The following ERAP1 variants were observed in gnomAD, a reference collection of about 807,000 sequenced individuals.
The protein encoded by ERAP1 is adipocyte-derived leucine aminopeptidase.
Under a neutral mutation model 103.7 loss-of-function variants are expected in ERAP1, and 86 were observed. That is an observed-to-expected ratio of 0.83 (90% CI 0.70 to 0.99). ERAP1 has a LOEUF of 0.99. Among genes scored for constraint, ERAP1 ranks in the 50% least tolerant of loss-of-function variants. The pLI is 0.00. For synonymous variants in ERAP1, 398 were observed against 402.4 expected (o/e 0.99, Z 0.13); for missense variants, 1,009 against 1,128.4 (o/e 0.89, Z 1.52).
At chr5:96,900,211 G>C in the ERAP1 span, 1 of 1,613,132 alleles carries the variant, frequency 6.2e-7, no homozygotes, top group African/African-American at 1.3e-5. Flanking sequence ...GAGAGTCACA[G>C]AGTAGAAGAG....
chr5:96,886,786 C>A, the ERAP1 span: 1 of 1,488,754 alleles, frequency 6.7e-7, no homozygotes, highest in Non-Finnish European at 9.1e-7. Flanking sequence ...CATCAGGGGT[C>A]AAGGTGAGAC....
At chr5:96,862,333 AC>A in the ERAP1 span, among the ~76,000 whole-genome samples, 1 of 152,206 alleles carries the variant, frequency 6.6e-6, no homozygotes, top group African/African-American at 2.4e-5. Context: ...TCTTTAGTGG[AC>A]AAGACATTGC....
In ERAP1 at chr5:96,776,178, A is replaced by G. The variant is rs1268842397; in HGVS notation, c.*218T>C. 1.3e-6 allele frequency: 2 copies of G among 1,508,650 alleles called. No individual in the cohort carries two copies. The highest frequency in any genetic ancestry group is 4.0e-5 in the Admixed American group (2 of 50,160). 93.5% of individuals were successfully genotyped at this position (1,508,650 alleles called of 1,614,324 possible). A position where few individuals can be genotyped will look rare whatever the true frequency, so the allele number is the denominator to read the frequency against. On this transcript the variant is annotated 3_prime_UTR_variant, in exon 19 of 19. Coordinates refer to ENST00000443439, the MANE Select transcript of ERAP1 (RefSeq NM_001040458.3). ...GGCAGGGAACCCAACACTTGGGTTT[A>G]CGTTGCAGGGCAACACCTGTGATGA...
At position 96,803,834 on chromosome 5, in the gene ERAP1, C is replaced by T; in HGVS notation, c.93G>A (p.Trp31Ter). The change falls in exon 2 of 19, where the codon TGG becomes TGA. Residue 31 changes from tryptophan to a stop codon, truncating the protein, a stop_gained. Coordinates refer to ENST00000443439, the MANE Select transcript of ERAP1 (RefSeq NM_001040458.3). LOFTEE classifies it high-confidence loss of function. ...LALLTVSTPS[W>*]CQSTEASPKR... The stretch of plus-strand genomic sequence containing the variant: ...TTGGAGATGCTTCAGTGCTCTGACA[C>T]CATGAAGGAGTGGACACAGTTAAGA... 6.2e-7 allele frequency: 1 copy of T among 1,614,140 alleles called. No homozygotes were observed. The highest frequency in any genetic ancestry group is 8.5e-7 in the Non-Finnish European group (1 of 1,180,040).
the ERAP1 span, among the ~76,000 whole-genome samples, chr5:96,827,526 A>C: frequency 6.6e-6 from 1 of 152,128 alleles, no homozygotes; most frequent in African/African-American, 2.4e-5. Flanking sequence ...TTAGCTGGGC[A>C]TGGCAGCATG....
At chr5:96,895,172 C>A in the ERAP1 span, 1 of 818,472 alleles carries the variant, frequency 1.2e-6, no homozygotes, top group East Asian at 2.9e-5. Flanking sequence ...AAGTTAGTAA[C>A]TATTGTATTT....
At chr5:96,820,114 C>T in the ERAP1 span, among the ~76,000 whole-genome samples, 122 of 152,102 alleles carry the variant, frequency 8.0e-4, 2 homozygotes, top group South Asian at 0.022. Context: ...TCAACGGAAA[C>T]AGCAAAAAAA....
chr5:96,783,365 A>T (rs900273424), intron 14 of ERAP1, 130 bp from the exon 15 acceptor site: 62 of 729,406 alleles, frequency 8.5e-5, no homozygotes, highest in Middle Eastern at 3.9e-4. Context: ...TGTATAAATC[A>T]TGCAGCACTG....
the ERAP1 span, among the ~76,000 whole-genome samples, chr5:96,852,500 T>G: frequency 6.6e-6 from 1 of 152,222 alleles, no homozygotes; most frequent in Non-Finnish European, 1.5e-5. Flanking sequence ...TTCTTAGGTT[T>G]GATTTGAAAG....
chr5:96,822,692 A>G, the ERAP1 span, among the ~76,000 whole-genome samples: 1 of 9,190 alleles, frequency 1.1e-4, no homozygotes, highest in Non-Finnish European at 2.0e-4. Context: ...CCTTGGTAAC[A>G]TAGCAAGACC....
the ERAP1 span, chr5:96,881,040 T>C: frequency 5.7e-6 from 1 of 173,972 alleles, no homozygotes; most frequent in Non-Finnish European, 1.3e-5. Flanking sequence ...GGGCAAGTGC[T>C]CTAAAGTGGG....
chr5:96,908,102 T>A, the ERAP1 span, among the ~76,000 whole-genome samples: 1 of 152,220 alleles, frequency 6.6e-6, no homozygotes, highest in African/African-American at 2.4e-5. Context: ...TTAAAACATG[T>A]ATAAGCCCAG....
At chr5:96,813,677 A>AG in the ERAP1 span, among the ~76,000 whole-genome samples, 1 of 149,730 alleles carries the variant, frequency 6.7e-6, no homozygotes, top group African/African-American at 2.4e-5. Flanking sequence ...AAAAAAAAAA[A>AG]GCCTGGACTG....
At chr5:96,838,136 C>T in the ERAP1 span, among the ~76,000 whole-genome samples, 115 of 152,148 alleles carry the variant, frequency 7.6e-4, no homozygotes, top group Non-Finnish European at 1.6e-3. Flanking sequence ...CACTTTGGGC[C>T]GTGGTTCCAG....
At chr5:96,935,809 T>A in the ERAP1 span, 1 of 297,094 alleles carries the variant, frequency 3.4e-6, no homozygotes. Flanking sequence ...ATTTGTTGAG[T>A]GACTGAACAC....
the ERAP1 span, among the ~76,000 whole-genome samples, chr5:96,868,356 C>A: frequency 6.6e-6 from 1 of 152,154 alleles, no homozygotes; most frequent in East Asian, 1.9e-4. Flanking sequence ...GGAAATACAA[C>A]CTACCACTCC....
chr5:96,776,598 A>G, intron 18 of ERAP1, 47 bp from the exon 19 acceptor site: 2 of 1,599,974 alleles, frequency 1.3e-6, no homozygotes, highest in Non-Finnish European at 1.7e-6. Flanking sequence ...TATCACATTA[A>G]TCAGATGTAA....
the ERAP1 span, among the ~76,000 whole-genome samples, chr5:96,923,772 C>A: frequency 5.9e-4 from 89 of 151,988 alleles, no homozygotes; most frequent in African/African-American, 2.0e-3. Context: ...ATAATTTCAC[C>A]ATTATAGATT....
chr5:96,819,743 A>G, the ERAP1 span, among the ~76,000 whole-genome samples: 1 of 152,198 alleles, frequency 6.6e-6, no homozygotes, highest in Non-Finnish European at 1.5e-5. Flanking sequence ...ATTAGGGATG[A>G]ATTTCCAGTA....
Sources: allele counts gnomAD v4.1 joint callset (sites outside exome capture counted in the v4.1 genomes callset), GRCh38; gene constraint gnomAD v4.1.1; transcripts MANE v1.5; gene names NCBI Gene and HGNC (gene_info 2026-07-23, HGNC 2026-07-21).